Variants in ANXA8 observed in about 807,000 individuals in gnomAD.
The protein encoded by ANXA8 is annexin A8.
Under a neutral mutation model 26.8 loss-of-function variants are expected in ANXA8, and 9 were observed. The ratio of observed to expected loss-of-function variants is 0.34; its 90% CI spans 0.20 to 0.59. ANXA8 has a LOEUF of 0.59. ANXA8 is among the 20% of genes least tolerant of loss of function. The pLI is 0.84. For synonymous variants in ANXA8, 39 were observed against 94.8 expected (o/e 0.41, Z 3.42); for missense variants, 83 against 238.5 (o/e 0.35, Z 4.29).
the ANXA8 span, among the ~76,000 whole-genome samples, chr10:47,662,473 T>TGTTTG: frequency 6.6e-6 from 1 of 152,014 alleles, no homozygotes; most frequent in Non-Finnish European, 1.5e-5. Flanking sequence ...GAATTGAAAG[T>TGTTTG]GTTTAGTTTA....
chr10:47,622,044 G>GA, the ANXA8 span, among the ~76,000 whole-genome samples: 2 of 110,684 alleles, frequency 1.8e-5, no homozygotes, highest in East Asian at 4.3e-4. Flanking sequence ...ATTGGTATCT[G>GA]AAAAAAATCT....
chr10:47,778,464 G>C, the ANXA8 span, among the ~76,000 whole-genome samples: 1 of 150,914 alleles, frequency 6.6e-6, no homozygotes, highest in South Asian at 2.1e-4. Flanking sequence ...CTTTGTGGCC[G>C]AGCGGCTGTC....
chr10:47,718,448 G>A, the ANXA8 span, among the ~76,000 whole-genome samples: 1,039 of 119,756 alleles, frequency 8.7e-3, no homozygotes, highest in Non-Finnish European at 0.012. Flanking sequence ...ACTCTAGCCT[G>A]GACGACAGAG....
the ANXA8 span, among the ~76,000 whole-genome samples, chr10:47,535,126 C>A: frequency 7.9e-6 from 1 of 127,200 alleles, no homozygotes; most frequent in Non-Finnish European, 1.6e-5. Context: ...GGGCGCGCAA[C>A]ACATGCCCAG....
At chr10:47,606,632 T>C in the ANXA8 span, among the ~76,000 whole-genome samples, 1 of 148,836 alleles carries the variant, frequency 6.7e-6, no homozygotes, top group African/African-American at 2.6e-5. Context: ...CTGCATGTTC[T>C]CACTCATAGG....
chr10:47,767,122 T>C, the ANXA8 span, among the ~76,000 whole-genome samples: 3 of 142,568 alleles, frequency 2.1e-5, no homozygotes, highest in Admixed American at 7.0e-5. Context: ...ACAGAGGCCA[T>C]AGCAGGATAA....
the ANXA8 span, among the ~76,000 whole-genome samples, chr10:47,580,788 A>C: frequency 2.0e-5 from 3 of 149,854 alleles, no homozygotes; most frequent in African/African-American, 7.6e-5. Context: ...AAACAAAAAA[A>C]AACAGGCCAG....
At chr10:47,967,606 TCA>T in the ANXA8 span, among the ~76,000 whole-genome samples, 2 of 87,972 alleles carry the variant, frequency 2.3e-5, no homozygotes, top group African/African-American at 8.6e-5. Flanking sequence ...GACCAGCCAG[TCA>T]CAGGGCCAGG....
At chr10:47,701,080 G>A in the ANXA8 span, among the ~76,000 whole-genome samples, 1 of 148,986 alleles carries the variant, frequency 6.7e-6, no homozygotes, top group African/African-American at 2.5e-5. Flanking sequence ...ATGTGAAAAA[G>A]AGATGAACAG....
chr10:47,954,699 TA>T, the ANXA8 span, among the ~76,000 whole-genome samples: 619 of 140,378 alleles, frequency 4.4e-3, 6 homozygotes, highest in African/African-American at 0.015. Context: ...CCCATAAAAA[TA>T]AAAAAAAAAC....
chr10:47,683,555 T>C, the ANXA8 span, among the ~76,000 whole-genome samples: 4 of 151,934 alleles, frequency 2.6e-5, no homozygotes, highest in Non-Finnish European at 5.9e-5. Context: ...AGTACTGTGT[T>C]GTTAACACAA....
At chr10:47,558,394 A>G in the ANXA8 span, among the ~76,000 whole-genome samples, 2 of 151,806 alleles carry the variant, frequency 1.3e-5, no homozygotes, top group Non-Finnish European at 2.9e-5. Flanking sequence ...CCCATTCACT[A>G]TCTAGCTTAG....
the ANXA8 span, among the ~76,000 whole-genome samples, chr10:47,960,021 G>A: frequency 6.8e-6 from 1 of 148,022 alleles, no homozygotes; most frequent in Non-Finnish European, 1.5e-5. Flanking sequence ...GTCCAGCCCT[G>A]TCGGGCCTTT....
At chr10:47,488,488 G>A (rs1840084907), upstream of ANXA8, among the ~76,000 whole-genome samples, 1 of 150,716 alleles carries the variant, frequency 6.6e-6, no homozygotes, top group African/African-American at 2.5e-5. Flanking sequence ...TAGGATTACA[G>A]GCGTGAGCCA....
chr10:47,699,164 T>C, the ANXA8 span, among the ~76,000 whole-genome samples: 4 of 150,338 alleles, frequency 2.7e-5, no homozygotes, highest in African/African-American at 9.8e-5. Flanking sequence ...CTGGCCAACA[T>C]AGCAAAACCC....
chr10:47,688,308 TC>T, the ANXA8 span, among the ~76,000 whole-genome samples: 9 of 148,478 alleles, frequency 6.1e-5, no homozygotes, highest in Non-Finnish European at 1.2e-4. Flanking sequence ...GAGATGGTGG[TC>T]TTACTATGTT....
chr10:47,483,855 T>C, intron 1 of ANXA8, 58 bp downstream of exon 1: 1 of 1,611,550 alleles, frequency 6.2e-7, no homozygotes. Flanking sequence ...CAGGACTCCC[T>C]GGTGACCAGC....
chr10:47,581,378 A>G, the ANXA8 span: 1 of 417,622 alleles, frequency 2.4e-6, no homozygotes, highest in African/African-American at 2.2e-5. Context: ...AAAGTAAATA[A>G]AATGTTAAGA....
the ANXA8 span, chr10:47,715,993 C>T: frequency 8.0e-7 from 1 of 1,250,562 alleles, no homozygotes; most frequent in East Asian, 2.8e-5. Context: ...AAGTGATTCT[C>T]CCCGCTCAGC....
Sources: gnomAD v4.1 joint callset for allele counts (sites outside exome capture counted in the v4.1 genomes callset) on GRCh38, gnomAD v4.1.1 for gene constraint, MANE v1.5 for transcripts, NCBI Gene and HGNC (gene_info 2026-07-23, HGNC 2026-07-21) for gene names.